Variants in BACH2 observed in about 807,000 individuals in gnomAD.
BACH2 encodes BACH transcriptional regulator 2, also known as transcription regulator protein BACH2.
BACH2 carries 5 observed loss-of-function variants against 61.8 expected under a neutral mutation model. The ratio of observed to expected loss-of-function variants is 0.08; its 90% CI spans 0.04 to 0.17. The LOEUF (loss-of-function observed/expected upper bound fraction) is 0.17, where lower values mean the gene tolerates loss of function less well. Ranked by LOEUF, BACH2 falls within the 10% of genes least tolerant of loss-of-function variation. BACH2 has a pLI of 1.00. For synonymous variants in BACH2, 446 were observed against 440.1 expected (o/e 1.01, Z -0.17); for missense variants, 824 against 1,091.1 (o/e 0.76, Z 3.45).
rs1402088094 is a variant in BACH2, at chr6:89,932,408, C to T, written c.2526G>A (p.Ter842=). 6.2e-7 allele frequency: 1 copy of T among 1,605,248 alleles called. No homozygotes were observed. The highest frequency in any genetic ancestry group is 8.5e-7 in the Non-Finnish European group (1 of 1,172,442). The change falls in exon 9 of 9, where the codon TAG becomes TAA. Residue 842 remains the stop codon, a stop_retained_variant. Coordinates refer to ENST00000257749, the MANE Select transcript of BACH2 (RefSeq NM_021813.4). ...TDEQPRKDYT[*] ...CGGACTGGGAGGCAGAGCCGAGTCA[C>T]TAGGTATAATCTTTCCTGGGCTGTT...
In BACH2 at chr6:90,138,364, G is replaced by T. The variant is rs1168056357; in HGVS notation, c.-161-49255C>A. ...CTAAAAATACAAAAATTAGCCATGCGTGGTGGCGTGTGCCTGTAGTCTCAC... is the reference window on the plus strand; with the variant it reads ...CTAAAAATACAAAAATTAGCCATGCTTGGTGGCGTGTGCCTGTAGTCTCAC... On this transcript the variant is annotated intron_variant, in intron 4 of 8. Transcript: ENST00000257749. Among the ~76,000 whole-genome samples the T allele has an allele frequency of 2.0e-5, 3 of 152,154 alleles. No individual in the cohort carries two copies. In the East Asian group the frequency reaches 5.8e-4, roughly 29 times the overall value.
At chr6:90,266,590 T>A (rs183337723) in intron 2 of BACH2, among the ~76,000 whole-genome samples, 2 of 152,298 alleles carry the variant, frequency 1.3e-5, no homozygotes, top group East Asian at 3.9e-4. Flanking sequence ...AATGAAGTAC[T>A]GATACACACA....
At chr6:90,188,984 C>T (rs1373533365) in intron 4 of BACH2, among the ~76,000 whole-genome samples, 1 of 152,100 alleles carries the variant, frequency 6.6e-6, no homozygotes, top group Admixed American at 6.5e-5. Context: ...CCCGTAATTA[C>T]TCTCTTTTTA....
chr6:90,186,799 A>G (rs1057439157), intron 4 of BACH2, among the ~76,000 whole-genome samples: 1 of 152,152 alleles, frequency 6.6e-6, no homozygotes, highest in Admixed American at 6.5e-5. Context: ...AAGCATTTCT[A>G]TCAGTATTTT....
intron 3 of BACH2, among the ~76,000 whole-genome samples, chr6:90,235,351 T>C (rs980412483): frequency 6.6e-6 from 1 of 152,212 alleles, no homozygotes; most frequent in African/African-American, 2.4e-5. Flanking sequence ...AAAACAGAGC[T>C]AATAATAGTA....
intron 4 of BACH2, among the ~76,000 whole-genome samples, chr6:90,123,000 TA>T (rs1783694518): frequency 6.6e-6 from 1 of 152,000 alleles, no homozygotes; most frequent in Admixed American, 6.6e-5. Context: ...TTAGAAGGAG[TA>T]GGGGGTTGAA....
chr6:90,118,958 G>C (rs1582385544), intron 4 of BACH2, among the ~76,000 whole-genome samples: 1 of 152,272 alleles, frequency 6.6e-6, no homozygotes, highest in East Asian at 1.9e-4. Flanking sequence ...TACCAAGTAA[G>C]ATTTTTATGA....
chr6:90,241,226 T>C (rs984484441), intron 3 of BACH2, among the ~76,000 whole-genome samples: 2 of 151,722 alleles, frequency 1.3e-5, no homozygotes, highest in Non-Finnish European at 2.9e-5. Context: ...AATGTGATAA[T>C]GTATCACTTA....
At chr6:90,132,826 C>T (rs572320223) in intron 4 of BACH2, among the ~76,000 whole-genome samples, 2 of 152,198 alleles carry the variant, frequency 1.3e-5, no homozygotes, top group Non-Finnish European at 2.9e-5. Context: ...CCCCTTTCTG[C>T]CTGGCTGAAC....
intron 5 of BACH2, among the ~76,000 whole-genome samples, chr6:90,031,894 C>T (rs1434735099): frequency 6.6e-6 from 1 of 152,182 alleles, no homozygotes; most frequent in African/African-American, 2.4e-5. Context: ...GCCCGCATTG[C>T]CAAGTCAATC....
At chr6:90,202,002 A>C (rs1768971687) in intron 4 of BACH2, among the ~76,000 whole-genome samples, 1 of 152,230 alleles carries the variant, frequency 6.6e-6, no homozygotes, top group Non-Finnish European at 1.5e-5. Context: ...GTTTAAAATG[A>C]AAAAAGTGTT....
At chr6:89,947,825 C>T (rs778553764) in intron 7 of BACH2, among the ~76,000 whole-genome samples, 8 of 152,118 alleles carry the variant, frequency 5.3e-5, no homozygotes, top group Non-Finnish European at 8.8e-5. Flanking sequence ...CCCGCCTCGG[C>T]CTCCCAAAGT....
chr6:90,183,960 T>C (rs1421865244), intron 4 of BACH2, among the ~76,000 whole-genome samples: 1 of 152,188 alleles, frequency 6.6e-6, no homozygotes, highest in Non-Finnish European at 1.5e-5. Context: ...CCATGAGAGG[T>C]AGCAAAGGAC....
intron 1 of BACH2, among the ~76,000 whole-genome samples, chr6:90,278,243 T>C (rs1771754632): frequency 6.6e-6 from 1 of 152,208 alleles, no homozygotes. Context: ...TTCTCAACCA[T>C]TCTGTGCTTT....
chr6:90,038,146 A>G (rs1582244503), intron 5 of BACH2, among the ~76,000 whole-genome samples: 1 of 152,226 alleles, frequency 6.6e-6, no homozygotes, highest in Non-Finnish European at 1.5e-5. Flanking sequence ...ACAACCTTAA[A>G]GAAGATTTTC....
chr6:90,025,258 T>C (rs929790891), intron 5 of BACH2, among the ~76,000 whole-genome samples: 10 of 152,194 alleles, frequency 6.6e-5, no homozygotes, highest in Non-Finnish European at 1.3e-4. Flanking sequence ...AGCTTTGTGA[T>C]CATCGCACTG....
Position 89,930,523 on chromosome 6 carries a change from C to G in BACH2, c.*1885G>C, listed in dbSNP as rs1262526112. On this transcript the variant is annotated 3_prime_UTR_variant, in exon 9 of 9. Coordinates refer to ENST00000257749, the MANE Select transcript of BACH2 (RefSeq NM_021813.4). ...AACCGTTCAGGACTCTCTTCCCCAG[C>G]CGGGCTGGAGTGGCCCTCGGGCTGC... is the stretch of plus-strand genomic sequence containing the variant. 2 of 152,774 alleles carry G rather than the reference C, an allele frequency of 1.3e-5. No individual in the cohort carries two copies. Among genetic ancestry groups the G allele is most frequent in the African/African-American group, 4.8e-5 (2 of 41,438 alleles). The allele number at this position is 152,774 out of a possible 1,614,324, so 9.5% of individuals were successfully genotyped here.
chr6:90,046,649 A>C (rs988672564), intron 5 of BACH2, among the ~76,000 whole-genome samples: 5 of 152,344 alleles, frequency 3.3e-5, no homozygotes, highest in African/African-American at 1.2e-4. Context: ...GGGTGATATC[A>C]ATATGGAAGG....
At chr6:90,122,455 A>C (rs772588916) in intron 4 of BACH2, among the ~76,000 whole-genome samples, 1 of 152,232 alleles carries the variant, frequency 6.6e-6, no homozygotes, top group Non-Finnish European at 1.5e-5. Context: ...GAAGGCAGTA[A>C]GATGGGATAC....
Sources: gnomAD v4.1 joint callset for allele counts (sites outside exome capture counted in the v4.1 genomes callset) on GRCh38, gnomAD v4.1.1 for gene constraint, MANE v1.5 for transcripts, NCBI Gene and HGNC (gene_info 2026-07-23, HGNC 2026-07-21) for gene names.